SYCE1L: variants seen among roughly 807,000 people sequenced by gnomAD.
SYCE1L encodes the protein synaptonemal complex central element protein 1 like, also known as synaptonemal complex central element protein 1-like.
A neutral mutation model predicts 39.6 loss-of-function variants in SYCE1L; 51 were observed. That is an observed-to-expected ratio of 1.29 (90% CI 1.03 to 1.63). The LOEUF (loss-of-function observed/expected upper bound fraction) is 1.63. Ranked by LOEUF, SYCE1L falls within the 40% of genes most tolerant of loss-of-function variation. The pLI, the probability that SYCE1L is intolerant of heterozygous loss-of-function variation, is 0.00. For synonymous variants in SYCE1L, 147 were observed against 122.4 expected, an observed-to-expected ratio of 1.20 and a Z score of -1.33; for missense variants, 426 against 304.9, an observed-to-expected ratio of 1.40 and a Z score of -2.96.
At chr16:77,209,240 A>G in intron 5 of SYCE1L, 96 bp downstream of exon 5, 1 of 1,433,480 alleles carries the variant, frequency 7.0e-7, no homozygotes, top group South Asian at 1.2e-5. Flanking sequence ...CTGAAACCTA[A>G]GGCAGGGTGC....
At chr16:77,200,230 GTGTA>G (rs2054717995) in intron 1 of SYCE1L, 1 of 134,090 alleles carries the variant, frequency 7.5e-6, no homozygotes, top group African/African-American at 2.9e-5. Flanking sequence ...ATGTATGTGT[GTGTA>G]TATATATATA....
At chr16:77,207,834 C>G (rs757273817) in intron 2 of SYCE1L, among the ~76,000 whole-genome samples, 1 of 152,172 alleles carries the variant, frequency 6.6e-6, no homozygotes, top group African/African-American at 2.4e-5. Context: ...CCTTGTTGCA[C>G]TCTGCCTGGA....
chr16:77,207,556 G>C (rs768765576), intron 2 of SYCE1L, among the ~76,000 whole-genome samples: 5 of 152,200 alleles, frequency 3.3e-5, no homozygotes, highest in Non-Finnish European at 7.3e-5. Context: ...CAGACTGACA[G>C]AGTGACAACC....
chr16:77,212,701 C>T (rs2054834170), intron 10 of SYCE1L, 55 bp downstream of exon 10: 5 of 1,467,304 alleles, frequency 3.4e-6, no homozygotes, highest in South Asian at 1.3e-5. Context: ...CAGGAGAGAG[C>T]GGGCGGGGGT....
At chr16:77,200,698 GTGAGC>G (rs1268006237) in intron 1 of SYCE1L, 1 of 146,784 alleles carries the variant, frequency 6.8e-6, no homozygotes, top group African/African-American at 2.6e-5. Flanking sequence ...AGAGGTTATC[GTGAGC>G]TGACATTGCG....
chr16:77,200,445 C>T (rs2054726784), intron 1 of SYCE1L: 1 of 148,432 alleles, frequency 6.7e-6, no homozygotes, highest in Non-Finnish European at 1.5e-5. Context: ...GAGTGAGACT[C>T]CGTCTCAAAA....
Position 77,211,845 on chromosome 16 carries a change from G to A in SYCE1L, c.424-285G>A, listed in dbSNP as rs559476234. 1.1e-4 allele frequency among the ~76,000 whole-genome samples: 17 copies of A among 152,260 alleles called. No individual in the cohort carries two copies. In the South Asian group the frequency reaches 3.3e-3, roughly 30 times the overall value. ...ATCGGTGCAGAAGGAAGGCCCTGGG[G>A]CTGGACGGTGCCTGAAACCGTTGAG... On this transcript the variant is annotated intron_variant, in intron 7 of 10. Transcript: ENST00000378644.
chr16:77,212,192 C>G lies in SYCE1L; in HGVS notation c.486C>G (p.Leu162=), dbSNP rs1360992133. 6.5e-7 allele frequency: 1 copy of G among 1,548,050 alleles called. No individual in the cohort carries two copies. Among genetic ancestry groups the G allele is most frequent in the Non-Finnish European group, 8.7e-7 (1 of 1,146,014 alleles). Residue 162 remains leucine, a synonymous_variant, in exon 8 of 11, where the codon CTC becomes CTG. Transcript: ENST00000378644. ...TGGAGAGAAGCAAGGAGCAGCTGCT[C>G]TCGGAGAGTGAGCCTCCCGCGCCAG... ...RALERSKEQL[L]SERRLVRAKL...
At position 77,212,311 on chromosome 16, in the gene SYCE1L, G is replaced by A. The variant is rs763843960; in HGVS notation, c.523G>A (p.Val175Met). ...GCTGGTGCGCGCCAAGCTGCGGGAG[G>A]TGGAGCGGCGGCTGCACTCGCCGCC... Reference protein sequence around the residue: ...RRLVRAKLREVERRLHSPPEV... With the variant: ...RRLVRAKLREMERRLHSPPEV... Residue 175 changes from valine to methionine, a missense_variant, in exon 9 of 11, where the codon GTG becomes ATG. Transcript: ENST00000378644. 16 of 1,526,300 alleles carry A rather than the reference G, an allele frequency of 1.0e-5. No homozygotes were observed. The African/African-American group carries it at 2.0e-4, about 19-fold the overall frequency. The allele number at this position is 1,526,300 out of a possible 1,614,324, so 94.5% of individuals were successfully genotyped here.
At chr16:77,208,124 G>A in intron 2 of SYCE1L, 86 bp from the exon 3 acceptor site, 1 of 1,309,786 alleles carries the variant, frequency 7.6e-7, no homozygotes, top group Admixed American at 2.3e-5. Flanking sequence ...TTAATTGATA[G>A]CAGCAGACAC....
intron 1 of SYCE1L, chr16:77,201,855 C>T (rs2054747090): frequency 6.6e-6 from 1 of 152,058 alleles, no homozygotes; most frequent in African/African-American, 2.4e-5. Flanking sequence ...TATTGACACA[C>T]AAGGAGCTCC....
chr16:77,205,759 T>C (rs68005990), intron 1 of SYCE1L, among the ~76,000 whole-genome samples: 14,351 of 152,092 alleles, frequency 0.094, 954 homozygotes, highest in East Asian at 0.29. Flanking sequence ...TTTTTGTTTT[T>C]GGTGGGGGTT....
In SYCE1L at chr16:77,212,522, TC is replaced by T. The variant is rs576116786; in HGVS notation, c.582-48del. ...CCGCGTCTCGGTGGCTTCCTCCTCGTCCCCTGGACTCTCGCTCTCTTCCTCC... is the reference window on the plus strand; with the variant it reads ...CCGCGTCTCGGTGGCTTCCTCCTCGTCCCTGGACTCTCGCTCTCTTCCTCC... On this transcript the variant is annotated intron_variant, in intron 9 of 10. Coordinates refer to ENST00000378644, the MANE Select transcript of SYCE1L (RefSeq NM_001129979.3). 1,530 of 1,537,634 alleles carry T rather than the reference TC, an allele frequency of 1.0e-3. 19 individuals are homozygous for T. The African/African-American group carries it at 0.019, about 19-fold the overall frequency.
chr16:77,200,291 T>TATATATATATATATATATATATACATAC, intron 1 of SYCE1L: 1 of 111,430 alleles, frequency 9.0e-6, no homozygotes, highest in South Asian at 2.7e-4. Flanking sequence ...TATATATATA[T>TATATATATATATATATATATATACATAC]ACACACACTA....
At chr16:77,205,194 T>A (rs896853152) in intron 1 of SYCE1L, among the ~76,000 whole-genome samples, 1 of 151,606 alleles carries the variant, frequency 6.6e-6, no homozygotes, top group East Asian at 1.9e-4. Context: ...GGAGAGGGAA[T>A]TTTCACTGTA....
chr16:77,212,600 G>A lies in SYCE1L; in HGVS notation c.608G>A (p.Gly203Glu), dbSNP rs2142522535. 6.5e-7 allele frequency: 1 copy of A among 1,536,348 alleles called. No individual in the cohort carries two copies. Among genetic ancestry groups the A allele is most frequent in the Non-Finnish European group, 8.7e-7 (1 of 1,146,540 alleles). ...CTGAAGGCGGAGCTGGAGATATTCG[G>A]GGAGCAGGTCCGGAGCGCCCCCGAG... is the stretch of plus-strand genomic sequence containing the variant. ...DGLKAELEIF[G>E]EQVRSAPEVG... is the part of the protein sequence containing the mutation. Residue 203 changes from glycine to glutamate, a missense_variant, in exon 10 of 11, where the codon GGG (glycine) becomes GAG (glutamate). Physicochemically the swap from Gly to Glu is moderately conservative, Grantham distance 98. Transcript: ENST00000378644.
Position 77,210,059 on chromosome 16 carries a change from CCTCTA to C in SYCE1L, c.359+592_359+596del, listed in dbSNP as rs1192212554. 2.0e-5 allele frequency among the ~76,000 whole-genome samples: 3 copies of C among 152,154 alleles called. No homozygotes were observed. In the East Asian group the frequency reaches 5.8e-4, roughly 29 times the overall value. On this transcript the variant is annotated intron_variant, in intron 6 of 10. Coordinates refer to ENST00000378644, the MANE Select transcript of SYCE1L (RefSeq NM_001129979.3). ...TTTCTTTCTCTGTCCAGCCACTATT[CCTCTA>C]CTCATCATTTCTCCAATCAGCTATC...
rs916233376 is a variant in SYCE1L, at chr16:77,211,203, C to T, written c.360-10C>T. ...CATGTGTTCTCTTATTCCTGGGTGT[C>T]GGCCTCCAGGTTGGATGTCAGAGGA... On this transcript the variant is annotated splice_polypyrimidine_tract_variant and intron_variant, in intron 6 of 10. Coordinates refer to ENST00000378644, the MANE Select transcript of SYCE1L (RefSeq NM_001129979.3). 16 of 1,551,706 alleles carry T rather than the reference C, an allele frequency of 1.0e-5. No homozygotes were observed. The Admixed American group carries it at 1.2e-4, about 11-fold the overall frequency.
chr16:77,205,433 A>AATATATATGTATATATATATGTATAT (rs2054779176), intron 1 of SYCE1L, among the ~76,000 whole-genome samples: 1 of 145,262 alleles, frequency 6.9e-6, no homozygotes, highest in Non-Finnish European at 1.5e-5. Context: ...CATAGAAGTA[A>AATATATATGTATATATATATGTATAT]ATATATATAT....
Sources: allele counts gnomAD v4.1 joint callset (sites outside exome capture counted in the v4.1 genomes callset), GRCh38; gene constraint gnomAD v4.1.1; transcripts MANE v1.5; gene names NCBI Gene and HGNC (gene_info 2026-07-23, HGNC 2026-07-21).